EXOSC7: variants seen among roughly 807,000 people sequenced by gnomAD.
The protein encoded by EXOSC7 is exosome complex component RRP42.
In EXOSC7, 25 loss-of-function variants were observed where a neutral mutation model predicts 34.3. The ratio of observed to expected loss-of-function variants is 0.73; its 90% confidence interval spans 0.53 to 1.02. The LOEUF is 1.02. Among genes scored for constraint, EXOSC7 ranks in the 50% least tolerant of loss-of-function variants. The pLI, the probability that EXOSC7 is intolerant of heterozygous loss-of-function variation, is 0.00. For missense variants in EXOSC7, 370 were observed against 368.5 expected (o/e 1.00, Z -0.03); for synonymous variants, 130 against 143.0 (o/e 0.91, Z 0.65).
At chr3:44,987,057 G>C (rs184690136) in intron 1 of EXOSC7, among the ~76,000 whole-genome samples, 1 of 147,142 alleles carries the variant, frequency 6.8e-6, no homozygotes, top group African/African-American at 2.5e-5. Flanking sequence ...ATGAGCCAAC[G>C]TGGAATGATT....
At chr3:44,977,601 A>G (rs1706123503) in intron 1 of EXOSC7, among the ~76,000 whole-genome samples, 1 of 152,266 alleles carries the variant, frequency 6.6e-6, no homozygotes, top group East Asian at 1.9e-4. Flanking sequence ...ATTACAGGGT[A>G]ACATGTATGT....
intron 4 of EXOSC7, among the ~76,000 whole-genome samples, chr3:44,998,507 G>A (rs1706789445): frequency 6.6e-6 from 1 of 152,138 alleles, no homozygotes; most frequent in Non-Finnish European, 1.5e-5. Context: ...CTAAGCTATT[G>A]GCCAAATAGA....
chr3:44,981,812 G>A (rs1706276710), intron 1 of EXOSC7, among the ~76,000 whole-genome samples: 1 of 152,120 alleles, frequency 6.6e-6, no homozygotes, highest in Non-Finnish European at 1.5e-5. Context: ...GGAGGCTGAG[G>A]CCAGAGGATC....
At chr3:45,002,436 A>G (rs1365856106) in intron 5 of EXOSC7, among the ~76,000 whole-genome samples, 1 of 152,184 alleles carries the variant, frequency 6.6e-6, no homozygotes, top group East Asian at 1.9e-4. Flanking sequence ...CTGCTTTGTA[A>G]TGGTAAGAAA....
intron 1 of EXOSC7, among the ~76,000 whole-genome samples, chr3:44,987,683 C>T (rs1308678428): frequency 6.6e-6 from 1 of 152,222 alleles, no homozygotes; most frequent in Non-Finnish European, 1.5e-5. Flanking sequence ...CCTGGATACT[C>T]TGAGGCTAAA....
At chr3:44,991,329 CTG>C (rs1374126244) in intron 3 of EXOSC7, among the ~76,000 whole-genome samples, 1 of 152,192 alleles carries the variant, frequency 6.6e-6, no homozygotes, top group Non-Finnish European at 1.5e-5. Context: ...CTTTAAGTCA[CTG>C]TGGATGATGG....
At chr3:45,008,430 T>C (rs912046470) in intron 7 of EXOSC7, among the ~76,000 whole-genome samples, 1 of 152,242 alleles carries the variant, frequency 6.6e-6, no homozygotes, top group Non-Finnish European at 1.5e-5. Flanking sequence ...GACATCTACT[T>C]TCTCTCTTTA....
chr3:45,010,124 T>C (rs1427650896), intron 7 of EXOSC7, among the ~76,000 whole-genome samples: 1 of 152,236 alleles, frequency 6.6e-6, no homozygotes, highest in Non-Finnish European at 1.5e-5. Context: ...TCCACACTGC[T>C]ATGGGAATGT....
intron 3 of EXOSC7, among the ~76,000 whole-genome samples, chr3:44,993,243 A>C (rs1481664988): frequency 6.6e-6 from 1 of 152,110 alleles, no homozygotes; most frequent in South Asian, 2.1e-4. Context: ...TTGGTCTGGT[A>C]CCCATTTACA....
At chr3:44,992,759 T>G (rs762447466) in intron 3 of EXOSC7, among the ~76,000 whole-genome samples, 3 of 152,128 alleles carry the variant, frequency 2.0e-5, no homozygotes, top group Non-Finnish European at 4.4e-5. Flanking sequence ...TGTGTCACCC[T>G]GCGCTGCCAC....
chr3:45,002,470 A>G (rs1432455085), intron 5 of EXOSC7, among the ~76,000 whole-genome samples: 1 of 152,184 alleles, frequency 6.6e-6, no homozygotes, highest in Non-Finnish European at 1.5e-5. Context: ...GAGTTTCACA[A>G]TGGAGGGGAT....
At chr3:45,008,400 A>T (rs1050211086) in intron 7 of EXOSC7, among the ~76,000 whole-genome samples, 1 of 152,250 alleles carries the variant, frequency 6.6e-6, no homozygotes, top group Non-Finnish European at 1.5e-5. Context: ...ATGACTTCAT[A>T]CTGAAGAATC....
intron 1 of EXOSC7, among the ~76,000 whole-genome samples, chr3:44,980,769 T>C (rs904769845): frequency 1.3e-5 from 2 of 152,240 alleles, no homozygotes; most frequent in African/African-American, 4.8e-5. Context: ...GCTTAAATAG[T>C]ATATGGCATA....
chr3:44,993,265 A>G (rs886145462), intron 3 of EXOSC7, among the ~76,000 whole-genome samples: 3 of 152,156 alleles, frequency 2.0e-5, no homozygotes, highest in African/African-American at 4.8e-5. Flanking sequence ...GGAGGCTTCT[A>G]CAGGCTCAGA....
intron 1 of EXOSC7, among the ~76,000 whole-genome samples, chr3:44,978,430 T>G (rs1256954363): frequency 1.3e-5 from 2 of 152,298 alleles, no homozygotes; most frequent in African/African-American, 4.8e-5. Flanking sequence ...GACTCAGTAT[T>G]CATTCATTCA....
intron 6 of EXOSC7, 78 bp from the exon 7 acceptor site, chr3:45,007,341 AT>A (rs1409738643): frequency 2.0e-6 from 3 of 1,502,216 alleles, no homozygotes; most frequent in Non-Finnish European, 2.7e-6. Context: ...TGGTGTAGAG[AT>A]TCCCACCACG....
intron 1 of EXOSC7, among the ~76,000 whole-genome samples, chr3:44,983,963 T>A (rs1202887904): frequency 6.6e-6 from 1 of 152,076 alleles, no homozygotes; most frequent in Non-Finnish European, 1.5e-5. Context: ...TGGAAAAAAA[T>A]TATGCATGCT....
At chr3:44,976,397 T>G (rs1432675879) in intron 1 of EXOSC7, 63 bp downstream of exon 1, 5 of 1,447,986 alleles carry the variant, frequency 3.5e-6, no homozygotes, top group Non-Finnish European at 4.6e-6. Context: ...GGTCGCGGCC[T>G]GCCCTGGGTT....
At chr3:45,011,183 G>C in intron 7 of EXOSC7, 52 bp from the exon 8 acceptor site, 6 of 1,049,506 alleles carry the variant, frequency 5.7e-6, no homozygotes, top group Non-Finnish European at 5.7e-6. Flanking sequence ...TCTGGTCAGA[G>C]TGTGTGTGCC....
Sources: allele counts gnomAD v4.1 joint callset (sites outside exome capture counted in the v4.1 genomes callset), GRCh38; gene constraint gnomAD v4.1.1; transcripts MANE v1.5; gene names NCBI Gene and HGNC (gene_info 2026-07-23, HGNC 2026-07-21).